Variants in ZNF385D observed in about 807,000 individuals in gnomAD.
ZNF385D encodes zinc finger protein 659.
Under a neutral mutation model 35.8 loss-of-function variants are expected in ZNF385D, and 15 were observed. That is an observed-to-expected ratio of 0.42 (90% CI 0.28 to 0.64). The LOEUF (loss-of-function observed/expected upper bound fraction) is 0.64, where lower values mean the gene tolerates loss of function less well. Ranked by LOEUF, ZNF385D falls within the 30% of genes least tolerant of loss-of-function variation. The pLI, the probability that ZNF385D is intolerant of heterozygous loss-of-function variation, is 0.23. For synonymous variants in ZNF385D, 212 were observed against 186.8 expected, an observed-to-expected ratio of 1.13 and a Z score of -1.10; for missense variants, 474 against 494.6, an observed-to-expected ratio of 0.96 and a Z score of 0.39.
At chr3:22,202,997 G>A (rs2125246004) in intron 2 of ZNF385D, among the ~76,000 whole-genome samples, 1 of 152,038 alleles carries the variant, frequency 6.6e-6, no homozygotes, top group East Asian at 1.9e-4. Flanking sequence ...AAATCCTAGT[G>A]GTGTGCTGCG....
chr3:22,103,704 A>G (rs1702058661), intron 3 of ZNF385D, among the ~76,000 whole-genome samples: 1 of 135,152 alleles, frequency 7.4e-6, no homozygotes, highest in African/African-American at 2.5e-5. Context: ...TGTCAAAGTC[A>G]GGCAAAAACA....
intron 2 of ZNF385D, among the ~76,000 whole-genome samples, chr3:22,188,022 G>A (rs1456011823): frequency 6.6e-6 from 1 of 152,200 alleles, no homozygotes; most frequent in African/African-American, 2.4e-5. Context: ...AATTCATGAA[G>A]CTGCAGTCAA....
chr3:21,577,700 A>G (rs901514539), intron 2 of ZNF385D, among the ~76,000 whole-genome samples: 4 of 151,988 alleles, frequency 2.6e-5, no homozygotes, highest in Non-Finnish European at 4.4e-5. Context: ...TATCATAGCC[A>G]TTCTAACTGG....
chr3:22,336,294 G>A (rs1019218667), intron 2 of ZNF385D, among the ~76,000 whole-genome samples: 2 of 152,044 alleles, frequency 1.3e-5, no homozygotes, highest in African/African-American at 4.8e-5. Flanking sequence ...GTTCTTTTAG[G>A]GTGATGCCTG....
chr3:21,606,535 C>T (rs2064490507), intron 2 of ZNF385D, among the ~76,000 whole-genome samples: 1 of 152,094 alleles, frequency 6.6e-6, no homozygotes, highest in Non-Finnish European at 1.5e-5. Flanking sequence ...GAAACTGAGT[C>T]CTAAAAAAGT....
At chr3:21,765,023 TAA>T (rs1186414557) in intron 3 of ZNF385D, among the ~76,000 whole-genome samples, 3 of 152,280 alleles carry the variant, frequency 2.0e-5, no homozygotes, top group African/African-American at 7.2e-5. Context: ...CTCAAGTAAA[TAA>T]AGTCTTGGAT....
At chr3:22,371,151 G>C (rs1696885548) in intron 2 of ZNF385D, among the ~76,000 whole-genome samples, 1 of 152,134 alleles carries the variant, frequency 6.6e-6, no homozygotes, top group Admixed American at 6.5e-5. Flanking sequence ...TTCATGCTTA[G>C]AGACCAGAGT....
chr3:21,975,158 C>G (rs1455290697), intron 3 of ZNF385D, among the ~76,000 whole-genome samples: 2 of 152,266 alleles, frequency 1.3e-5, no homozygotes, highest in East Asian at 3.9e-4. Context: ...GATTTGGAAG[C>G]AACCTAAGTG....
chr3:22,015,423 C>G (rs925340598), intron 3 of ZNF385D, among the ~76,000 whole-genome samples: 1 of 152,136 alleles, frequency 6.6e-6, no homozygotes, highest in African/African-American at 2.4e-5. Flanking sequence ...GCTTTTCACA[C>G]CTTTCAGCAG....
chr3:21,865,841 A>T (rs888905170), intron 3 of ZNF385D, among the ~76,000 whole-genome samples: 7 of 152,144 alleles, frequency 4.6e-5, no homozygotes, highest in African/African-American at 1.7e-4. Flanking sequence ...ATACAACCAA[A>T]AGATTAAATG....
intron 3 of ZNF385D, among the ~76,000 whole-genome samples, chr3:22,093,079 G>C (rs937165034): frequency 3.3e-5 from 5 of 152,126 alleles, no homozygotes; most frequent in African/African-American, 9.7e-5. Context: ...AAGACAAAGA[G>C]TGTGGATAGT....
intron 2 of ZNF385D, among the ~76,000 whole-genome samples, chr3:22,254,598 T>C (rs551991728): frequency 2.0e-4 from 30 of 151,972 alleles, no homozygotes; most frequent in African/African-American, 7.0e-4. Flanking sequence ...CCTCAGTGGA[T>C]ACCTGAAACC....
intron 3 of ZNF385D, among the ~76,000 whole-genome samples, chr3:22,143,626 T>C (rs1021575119): frequency 7.2e-5 from 11 of 152,172 alleles, no homozygotes; most frequent in East Asian, 1.9e-4. Flanking sequence ...TATTCCTATA[T>C]TGATGGCCTT....
At chr3:22,124,108 G>A (rs376488672) in intron 3 of ZNF385D, among the ~76,000 whole-genome samples, 1 of 151,448 alleles carries the variant, frequency 6.6e-6, no homozygotes. Context: ...CTCAGCTTCT[G>A]GTAACCGTTA....
intron 3 of ZNF385D, among the ~76,000 whole-genome samples, chr3:22,097,833 G>A (rs559680095): frequency 6.6e-6 from 1 of 152,136 alleles, no homozygotes; most frequent in African/African-American, 2.4e-5. Context: ...TTAAATGTCA[G>A]GACTTTGATA....
In ZNF385D at chr3:22,225,051, G is replaced by A. The variant is rs1698472836; in HGVS notation, c.107-56016C>T. On this transcript the variant is annotated intron_variant, in intron 2 of 5. Coordinates refer to the ZNF385D transcript ENST00000494108. ...ATAAATCTCTAATTATATTAACAAT[G>A]CAATATTTGCAATTACAGATAAAAT... Among the ~76,000 whole-genome samples the A allele has an allele frequency of 3.3e-5, 5 of 152,040 alleles. No homozygotes were observed. In the South Asian group the frequency reaches 1.0e-3, roughly 31 times the overall value.
chr3:22,076,512 C>A (rs1041931794), intron 3 of ZNF385D, among the ~76,000 whole-genome samples: 1 of 151,846 alleles, frequency 6.6e-6, no homozygotes, highest in Admixed American at 6.6e-5. Flanking sequence ...AAAGTTGGTC[C>A]TCCAGTGTTA....
intron 2 of ZNF385D, among the ~76,000 whole-genome samples, chr3:22,206,541 T>C (rs78008330): frequency 1.3e-5 from 2 of 151,946 alleles, no homozygotes; most frequent in East Asian, 3.9e-4. Context: ...AAACAAGTCT[T>C]AAAACATCCA....
chr3:21,921,605 A>G (rs1383744947), intron 3 of ZNF385D, among the ~76,000 whole-genome samples: 1 of 152,156 alleles, frequency 6.6e-6, no homozygotes, highest in Non-Finnish European at 1.5e-5. Context: ...GATTATGAAA[A>G]TGCAGTAGAT....
Sources: gnomAD v4.1 joint callset for allele counts (sites outside exome capture counted in the v4.1 genomes callset) on GRCh38, gnomAD v4.1.1 for gene constraint, MANE v1.5 for transcripts, NCBI Gene and HGNC (gene_info 2026-07-23, HGNC 2026-07-21) for gene names.